Variants in UBE2E2 observed in about 807,000 individuals in gnomAD.
UBE2E2 encodes the protein ubiquitin-conjugating enzyme E2 E2.
UBE2E2 carries 6 observed loss-of-function variants against 24.7 expected under a neutral mutation model. The observed-to-expected ratio is 0.24, with a 90% confidence interval of 0.13 to 0.48. The LOEUF (loss-of-function observed/expected upper bound fraction) is 0.48, where lower values mean the gene tolerates loss of function less well. UBE2E2 is among the 20% of genes least tolerant of loss of function. The pLI is 0.99. For missense variants in UBE2E2, 169 were observed against 245.0 expected (o/e 0.69, Z 2.07); for synonymous variants, 104 against 83.6 (o/e 1.24, Z -1.33).
intron 5 of UBE2E2, among the ~76,000 whole-genome samples, chr3:23,570,748 A>C (rs1696199816): frequency 6.6e-6 from 1 of 152,224 alleles, no homozygotes; most frequent in Non-Finnish European, 1.5e-5. Flanking sequence ...AAGTGAAACA[A>C]AGATGTCAGA....
intron 3 of UBE2E2, chr3:23,449,923 C>G (rs1698525725): frequency 1.0e-6 from 1 of 985,284 alleles, no homozygotes; most frequent in Admixed American, 6.1e-5. Flanking sequence ...ACCCCTCCCC[C>G]TAGTGAGGAA....
intron 3 of UBE2E2, among the ~76,000 whole-genome samples, chr3:23,264,010 T>G (rs1697973074): frequency 1.3e-5 from 2 of 152,156 alleles, no homozygotes; most frequent in African/African-American, 4.8e-5. Context: ...CAGTTAACAT[T>G]ACTGAGTGCT....
intron 3 of UBE2E2, among the ~76,000 whole-genome samples, chr3:23,454,028 G>T (rs1315296824): frequency 1.3e-5 from 2 of 152,112 alleles, no homozygotes; most frequent in African/African-American, 4.8e-5. Context: ...TTTGCATATT[G>T]TGTAAGATTA....
chr3:23,320,182 G>A (rs952728912), intron 3 of UBE2E2, among the ~76,000 whole-genome samples: 6 of 152,132 alleles, frequency 3.9e-5, no homozygotes, highest in East Asian at 1.9e-4. Flanking sequence ...ACATTCAGTC[G>A]CAGGTACTAC....
At chr3:23,512,784 A>G (rs1281258546) in intron 4 of UBE2E2, among the ~76,000 whole-genome samples, 3 of 152,082 alleles carry the variant, frequency 2.0e-5, no homozygotes, top group Admixed American at 6.5e-5. Context: ...ATCTCTACTA[A>G]AAATACAAAA....
chr3:23,569,581 A>G (rs944436131), intron 5 of UBE2E2, among the ~76,000 whole-genome samples: 7 of 152,138 alleles, frequency 4.6e-5, no homozygotes, highest in Non-Finnish European at 8.8e-5. Flanking sequence ...AGCTTTTTGC[A>G]GTGGTATTTG....
intron 3 of UBE2E2, among the ~76,000 whole-genome samples, chr3:23,343,164 G>T (rs1243429675): frequency 2.6e-5 from 4 of 151,640 alleles, no homozygotes; most frequent in African/African-American, 9.7e-5. Context: ...ATATCTTAAG[G>T]TACATGAAGG....
chr3:23,302,517 A>G (rs1699126121), intron 3 of UBE2E2, among the ~76,000 whole-genome samples: 1 of 152,162 alleles, frequency 6.6e-6, no homozygotes, highest in Non-Finnish European at 1.5e-5. Context: ...AGCACACACC[A>G]ACCTCTCCTT....
chr3:23,519,866 T>G (rs553828065), intron 4 of UBE2E2, among the ~76,000 whole-genome samples: 1 of 152,088 alleles, frequency 6.6e-6, no homozygotes, highest in Non-Finnish European at 1.5e-5. Context: ...CATTATTTTG[T>G]AGAGACGGAG....
intron 3 of UBE2E2, chr3:23,323,605 T>C (rs1377938750): frequency 4.7e-6 from 2 of 421,838 alleles, no homozygotes; most frequent in Non-Finnish European, 9.4e-6. Context: ...AATGCACATA[T>C]TTCAAAATCT....
intron 3 of UBE2E2, among the ~76,000 whole-genome samples, chr3:23,245,046 C>T (rs945048047): frequency 2.6e-5 from 4 of 152,064 alleles, no homozygotes; most frequent in African/African-American, 9.7e-5. Flanking sequence ...TATGTAAATA[C>T]ATTTAGAAAT....
chr3:23,235,306 A>C (rs1039738194), intron 3 of UBE2E2, among the ~76,000 whole-genome samples: 2 of 152,144 alleles, frequency 1.3e-5, no homozygotes, highest in Admixed American at 1.3e-4. Flanking sequence ...GTGAAATCTT[A>C]ATTGAGAGCA....
chr3:23,216,878 A>G (rs944094989), intron 2 of UBE2E2, among the ~76,000 whole-genome samples: 12 of 152,150 alleles, frequency 7.9e-5, no homozygotes, highest in Non-Finnish European at 1.2e-4. Context: ...TCTATCAGTC[A>G]TGATGCTTGG....
At chr3:23,291,898 G>T (rs576053726) in intron 3 of UBE2E2, among the ~76,000 whole-genome samples, 1 of 120,006 alleles carries the variant, frequency 8.3e-6, no homozygotes, top group East Asian at 2.6e-4. Context: ...TCGCTCTTTG[G>T]CCCAGGCCAG....
At chr3:23,457,178 C>T (rs942322742) in intron 3 of UBE2E2, among the ~76,000 whole-genome samples, 11 of 152,134 alleles carry the variant, frequency 7.2e-5, no homozygotes, top group African/African-American at 2.7e-4. Flanking sequence ...ATATATGCTG[C>T]GTGTATAGAA....
chr3:23,384,395 C>G (rs1285506263), intron 3 of UBE2E2, among the ~76,000 whole-genome samples: 1 of 152,048 alleles, frequency 6.6e-6, no homozygotes, highest in African/African-American at 2.4e-5. Context: ...AACTCCTGGT[C>G]TCAAGCAGTC....
intron 3 of UBE2E2, among the ~76,000 whole-genome samples, chr3:23,384,990 G>T (rs1485544660): frequency 6.6e-6 from 1 of 151,614 alleles, no homozygotes; most frequent in African/African-American, 2.4e-5. Flanking sequence ...GATTGCGGTG[G>T]CATGATCTCA....
At chr3:23,304,397 G>T (rs1467844190) in intron 3 of UBE2E2, among the ~76,000 whole-genome samples, 2 of 151,980 alleles carry the variant, frequency 1.3e-5, no homozygotes, top group East Asian at 1.9e-4. Context: ...AATATTTGTT[G>T]TGTTAGAACA....
chr3:23,432,787 G>C (rs922275438), intron 3 of UBE2E2, among the ~76,000 whole-genome samples: 2 of 151,870 alleles, frequency 1.3e-5, no homozygotes, highest in African/African-American at 2.4e-5. Context: ...CAGTCACACA[G>C]AGACTTCTTT....
Sources: allele counts gnomAD v4.1 joint callset (sites outside exome capture counted in the v4.1 genomes callset), GRCh38; gene constraint gnomAD v4.1.1; transcripts MANE v1.5; gene names NCBI Gene and HGNC (gene_info 2026-07-23, HGNC 2026-07-21).